Variants in PLET1 observed in about 807,000 individuals in gnomAD.
PLET1 encodes the protein placenta expressed transcript 1.
PLET1 carries 20 observed loss-of-function variants against 18.5 expected under a neutral mutation model. That is an observed-to-expected ratio of 1.08 (90% CI 0.76 to 1.57). The LOEUF (loss-of-function observed/expected upper bound fraction) is 1.57, where lower values mean the gene tolerates loss of function less well. Among genes scored for constraint, PLET1 ranks in the 40% most tolerant of loss-of-function variants. The probability of loss-of-function intolerance (pLI) is 0.00; values close to 1 mark genes in which losing one functional copy is unlikely to be tolerated. For missense variants in PLET1, 256 were observed against 246.4 expected (o/e 1.04, Z -0.26); for synonymous variants, 93 against 93.8 (o/e 0.99, Z 0.05).
In PLET1 at chr11:112,255,447, C is replaced by T. The variant is rs1860215442; in HGVS notation, c.327G>A (p.Thr109=). Residue 109 remains threonine (T), a synonymous_variant, in exon 2 of 4, where the codon ACG becomes ACA. Transcript: ENST00000338832. Reference sequence around the variant, plus strand: ...GAGCTTGCCACTGTGCCTCTAAGACCGTCATGTATTGATCTTTCACGTAAT... The same window carrying T: ...GAGCTTGCCACTGTGCCTCTAAGACTGTCATGTATTGATCTTTCACGTAAT... ...STYYVKDQYM[T]VLEAQWQAPE... The T allele has an allele frequency of 1.3e-6, 2 of 1,552,294 alleles. No homozygotes were observed. Among genetic ancestry groups the T allele is most frequent in the Admixed American group, 2.0e-5 (1 of 51,010 alleles).
chr11:112,255,195 G>T lies in PLET1; in HGVS notation c.386+193C>A, dbSNP rs144400137. Reference sequence around the variant, plus strand: ...TGTGTGTGTGGTATGTGGTGTGTGTGTGAATGTGTGTGTCTGCAAGCGCCT... The same window carrying T: ...TGTGTGTGTGGTATGTGGTGTGTGTTTGAATGTGTGTGTCTGCAAGCGCCT... On this transcript the variant is annotated intron_variant, in intron 2 of 3. Transcript: ENST00000338832. Among the ~76,000 whole-genome samples the T allele has an allele frequency of 6.6e-5, 10 of 151,884 alleles. No homozygotes were observed. In the East Asian group the frequency reaches 1.7e-3, roughly 26 times the overall value.
Position 112,260,635 on chromosome 11 carries a change from CT to C in PLET1, c.-47del. On this transcript the variant is annotated 5_prime_UTR_variant, in exon 1 of 4. Transcript: ENST00000338832. ...GTGCTAGGCCTGGAATTGGGTGAAA[CT>C]GACAACTCACCTCTTGTTTATATGC... The C allele has an allele frequency of 6.7e-7, 1 of 1,489,592 alleles. No homozygotes were observed. The highest frequency in any genetic ancestry group is 9.1e-7 in the Non-Finnish European group (1 of 1,101,266). 92.3% of individuals were successfully genotyped at this position (1,489,592 alleles called of 1,614,324 possible).
intron 2 of PLET1, among the ~76,000 whole-genome samples, chr11:112,254,723 TGTGTGTGTG>T (rs1241664817): frequency 1.9e-5 from 2 of 106,378 alleles, no homozygotes; most frequent in African/African-American, 7.4e-5. Context: ...GTGTTGTGAG[TGTGTGTGTG>T]GTGTGTGTGT....
Position 112,260,647 on chromosome 11 carries a change from C to T in PLET1, c.-58G>A, listed in dbSNP as rs1439457461. The stretch of plus-strand genomic sequence containing the variant: ...GAATTGGGTGAAACTGACAACTCAC[C>T]TCTTGTTTATATGCCAGGGCTTCTG... On this transcript the variant is annotated 5_prime_UTR_variant, in exon 1 of 4. Coordinates refer to ENST00000338832, the MANE Select transcript of PLET1 (RefSeq NM_001145024.1). 9 of 1,439,134 alleles carry T rather than the reference C, an allele frequency of 6.3e-6. No homozygotes were observed. Among genetic ancestry groups the T allele is most frequent in the Non-Finnish European group, 8.5e-6 (9 of 1,061,010 alleles). 89.1% of individuals were successfully genotyped at this position (1,439,134 alleles called of 1,614,324 possible).
Position 112,260,697 on chromosome 11 carries a change from C to T in PLET1, c.-108G>A, listed in dbSNP as rs565048306. On this transcript the variant is annotated 5_prime_UTR_variant, in exon 1 of 4. Transcript: ENST00000338832. The stretch of plus-strand genomic sequence containing the variant: ...GGGTGAAGTCATACATGCAGATCTT[C>T]TCCCTGCCCCTTCTGAATATACATT... 10 of 930,038 alleles carry T rather than the reference C, an allele frequency of 1.1e-5. No individual in the cohort carries two copies. The highest frequency in any genetic ancestry group is 8.4e-5 in the Admixed American group (3 of 35,680). The allele number at this position is 930,038 out of a possible 1,614,324, so 57.6% of individuals were successfully genotyped here. A position where few individuals can be genotyped will look rare whatever the true frequency, so the allele number is the denominator to read the frequency against.
Position 112,255,375 on chromosome 11 carries a change from G to A in PLET1, c.386+13C>T, listed in dbSNP as rs1176582692. 6.4e-7 allele frequency: 1 copy of A among 1,551,686 alleles called. No homozygotes were observed. Among genetic ancestry groups the A allele is most frequent in the East Asian group, 2.4e-5 (1 of 40,928 alleles). ...AATTTTAAAGCCCAAAGCAAAGCAA[G>A]CTAGGTTCTTACTGTATCTCCACTT... On this transcript the variant is annotated intron_variant, in intron 2 of 3. Coordinates refer to ENST00000338832, the MANE Select transcript of PLET1 (RefSeq NM_001145024.1).
intron 3 of PLET1, among the ~76,000 whole-genome samples, chr11:112,250,533 T>G (rs188307528): frequency 6.6e-6 from 1 of 152,316 alleles, no homozygotes; most frequent in Admixed American, 6.5e-5. Context: ...TAGTTTTCTT[T>G]ACATCAATAA....
At chr11:112,252,592 C>A (rs751932893) in intron 2 of PLET1, among the ~76,000 whole-genome samples, 183 bp from the exon 3 acceptor site, 20 of 152,302 alleles carry the variant, frequency 1.3e-4, no homozygotes, top group Middle Eastern at 3.4e-3. Flanking sequence ...CGATCTTGGT[C>A]AACTTCCACA....
chr11:112,254,534 GGTAT>G (rs370493549), intron 2 of PLET1, among the ~76,000 whole-genome samples: 2,807 of 133,340 alleles, frequency 0.021, 96 homozygotes, highest in African/African-American at 0.076. Flanking sequence ...GTATGTGTGT[GGTAT>G]GTGTGTGTGT....
rs1860122440 is a variant in PLET1 at position 112,248,410 on chromosome 11, T to A, written c.*389A>T. The A allele has an allele frequency of 2.5e-6, 1 of 400,948 alleles. No homozygotes were observed. The highest frequency in any genetic ancestry group is 4.3e-5 in the Admixed American group (1 of 23,302). The allele number at this position is 400,948 out of a possible 1,614,324, so 24.8% of individuals were successfully genotyped here. On this transcript the variant is annotated 3_prime_UTR_variant, in exon 4 of 4. Transcript: ENST00000338832. ...GGGTTTGGTTAGAAATCTGAGATCA[T>A]CTTGAAAGTAAGGAAGGATTCTTCC...
chr11:112,256,876 C>T (rs1428353715), intron 1 of PLET1, among the ~76,000 whole-genome samples: 1 of 102,450 alleles, frequency 9.8e-6, no homozygotes, highest in Non-Finnish European at 2.3e-5. Context: ...CACGGGTGTG[C>T]CCTGTCCTGC....
Position 112,248,689 on chromosome 11 carries a change from T to G in PLET1, c.*110A>C. 3 of 1,278,848 alleles carry G rather than the reference T, an allele frequency of 2.3e-6. No homozygotes were observed. Among genetic ancestry groups the G allele is most frequent in the Non-Finnish European group, 3.2e-6 (3 of 937,184 alleles). 79.2% of individuals were successfully genotyped at this position (1,278,848 alleles called of 1,614,324 possible). On this transcript the variant is annotated 3_prime_UTR_variant, in exon 4 of 4. Transcript: ENST00000338832. The stretch of plus-strand genomic sequence containing the variant: ...GAAGCCGTGGCAGCAAAGTTGCACA[T>G]TTGAGAATGTAAAGCCTTCATTTAC...
At chr11:112,254,958 ATATG>A (rs1860206153) in intron 2 of PLET1, among the ~76,000 whole-genome samples, 1 of 16,650 alleles carries the variant, frequency 6.0e-5, no homozygotes, top group Non-Finnish European at 1.5e-4. Flanking sequence ...GGTGTGTGTG[ATATG>A]TATGTGAGTG....
In PLET1 at chr11:112,248,615, A is replaced by G. The variant is rs890203654; in HGVS notation, c.*184T>C. 3.9e-5 allele frequency: 25 copies of G among 634,224 alleles called. No individual in the cohort carries two copies. The highest frequency in any genetic ancestry group is 1.5e-4 in the African/African-American group (8 of 54,288). 39.3% of individuals were successfully genotyped at this position (634,224 alleles called of 1,614,324 possible). A position where few individuals can be genotyped will look rare whatever the true frequency, so the allele number is the denominator to read the frequency against. On this transcript the variant is annotated 3_prime_UTR_variant, in exon 4 of 4. Transcript: ENST00000338832. ...TCCTGAAAGATCCAGATGAACATCT[A>G]TGTGACCCAAGCCTGCCAATGAGTG...
intron 2 of PLET1, among the ~76,000 whole-genome samples, chr11:112,254,078 C>T (rs552787703): frequency 2.0e-5 from 3 of 152,098 alleles, no homozygotes; most frequent in African/African-American, 4.8e-5. Context: ...TTTCTGTTAG[C>T]GAGCCATTTC....
intron 2 of PLET1, among the ~76,000 whole-genome samples, chr11:112,254,581 T>G (rs1860194097): frequency 7.7e-6 from 1 of 129,076 alleles, no homozygotes; most frequent in African/African-American, 2.9e-5. Flanking sequence ...GTGGTATGTA[T>G]GTGTGGCATG....
At chr11:112,249,045 G>T in intron 3 of PLET1, 71 bp from the exon 4 acceptor site, 3 of 1,388,540 alleles carry the variant, frequency 2.2e-6, no homozygotes, top group Non-Finnish European at 3.0e-6. Context: ...TGGTGGGTGG[G>T]CACTCGAGAA....
intron 2 of PLET1, among the ~76,000 whole-genome samples, chr11:112,253,428 A>G (rs898656797): frequency 6.6e-6 from 1 of 152,178 alleles, no homozygotes; most frequent in East Asian, 1.9e-4. Flanking sequence ...GATCAAGGCC[A>G]TGTAACATGG....
At chr11:112,256,775 G>A (rs1289157032) in intron 1 of PLET1, among the ~76,000 whole-genome samples, 2 of 152,238 alleles carry the variant, frequency 1.3e-5, no homozygotes, top group Non-Finnish European at 2.9e-5. Context: ...TGCCCAGTGA[G>A]CACCTGACAT....
Sources: gnomAD v4.1 joint callset for allele counts (sites outside exome capture counted in the v4.1 genomes callset) on GRCh38, gnomAD v4.1.1 for gene constraint, MANE v1.5 for transcripts, NCBI Gene and HGNC (gene_info 2026-07-23, HGNC 2026-07-21) for gene names.